SDSL: variants seen among roughly 807,000 people sequenced by gnomAD.
SDSL encodes the protein serine dehydratase-like.
SDSL carries 26 observed loss-of-function variants against 27.6 expected under a neutral mutation model. The observed-to-expected ratio is 0.94, with a 90% confidence interval of 0.69 to 1.31. The LOEUF is 1.31. Ranked by LOEUF, SDSL falls within the 50% of genes most tolerant of loss-of-function variation. SDSL has a pLI of 0.00. For synonymous variants in SDSL, 196 were observed against 180.6 expected (o/e 1.09, Z -0.69); for missense variants, 431 against 423.5 (o/e 1.02, Z -0.16).
intron 6 of SDSL, among the ~76,000 whole-genome samples, chr12:113,436,144 C>T (rs1021652915): frequency 6.6e-6 from 1 of 152,038 alleles, no homozygotes; most frequent in Non-Finnish European, 1.5e-5. Context: ...CCCAAACCCC[C>T]CAAAAGCCAA....
chr12:113,430,141 C>CCCAT (rs771017645), intron 4 of SDSL, among the ~76,000 whole-genome samples: 13 of 126,018 alleles, frequency 1.0e-4, no homozygotes, highest in African/African-American at 1.6e-4. Flanking sequence ...CATCCATCCA[C>CCCAT]CCATCCATCC....
chr12:113,428,494 T>C, intron 3 of SDSL, 35 bp downstream of exon 3: 2 of 1,598,318 alleles, frequency 1.3e-6, no homozygotes, highest in Non-Finnish European at 1.7e-6. Context: ...TGGGCAGAGG[T>C]TGGGGGAGGA....
intron 4 of SDSL, 55 bp from the exon 5 acceptor site, chr12:113,434,079 G>T: frequency 2.1e-6 from 3 of 1,458,242 alleles, no homozygotes; most frequent in Non-Finnish European, 2.9e-6. Flanking sequence ...CTCTGCTCCG[G>T]CCTCCATAGC....
In SDSL at chr12:113,428,400, C is replaced by A. The variant is rs2136951625; in HGVS notation, c.175-20C>A. ...ACACCTGCTTGGGTTAGCCGCTAAC[C>A]CCATTCCTTCTCTTCCCAGATGGCC... is the stretch of plus-strand genomic sequence containing the variant. On this transcript the variant is annotated intron_variant, in intron 2 of 7. Coordinates refer to ENST00000403593, the MANE Select transcript of SDSL (RefSeq NM_001304993.2). 1 of 1,609,396 alleles carries A rather than the reference C, an allele frequency of 6.2e-7. No homozygotes were observed. The highest frequency in any genetic ancestry group is 2.2e-5 in the East Asian group (1 of 44,858).
chr12:113,430,938 A>G (rs1440087572), intron 4 of SDSL, among the ~76,000 whole-genome samples: 1 of 152,210 alleles, frequency 6.6e-6, no homozygotes, highest in Non-Finnish European at 1.5e-5. Context: ...GGCAAGGTGT[A>G]GGTGTATGAT....
chr12:113,428,904 C>T (rs1380454068), intron 3 of SDSL, among the ~76,000 whole-genome samples: 3 of 152,000 alleles, frequency 2.0e-5, no homozygotes, highest in African/African-American at 4.8e-5. Flanking sequence ...CGATGCCTCG[C>T]CTCAATCCTG....
chr12:113,436,367 C>T (rs1011836703), intron 6 of SDSL, among the ~76,000 whole-genome samples: 1 of 151,926 alleles, frequency 6.6e-6, no homozygotes, highest in African/African-American at 2.4e-5. Context: ...CAGCTCACTG[C>T]AACCTCTACC....
At position 113,437,944 on chromosome 12, in the gene SDSL, A is replaced by T. The variant is rs1287346236; in HGVS notation, c.855A>T (p.Ser285=). The T allele has an allele frequency of 6.2e-7, 1 of 1,613,904 alleles. No homozygotes were observed. The highest frequency in any genetic ancestry group is 8.5e-7 in the Non-Finnish European group (1 of 1,179,928). The change falls in exon 8 of 8, where the codon TCA becomes TCT. Residue 285 remains serine (S), a synonymous_variant. Coordinates refer to ENST00000403593, the MANE Select transcript of SDSL (RefSeq NM_001304993.2). ...ACGAALAAIY[S]GLLRRLQAEG... ...GGGCAGCCTTAGCAGCCATCTACTC[A>T]GGCCTCCTGCGGAGGCTCCAGGCCG...
At chr12:113,436,982 C>G in intron 7 of SDSL, 107 bp downstream of exon 7, 2 of 1,195,862 alleles carry the variant, frequency 1.7e-6, no homozygotes, top group Non-Finnish European at 2.2e-6. Flanking sequence ...CAGGCACTGG[C>G]TAGGTGTGCA....
At chr12:113,424,210 C>T (rs1429652506) in intron 1 of SDSL, among the ~76,000 whole-genome samples, 12 of 152,092 alleles carry the variant, frequency 7.9e-5, no homozygotes, top group South Asian at 2.1e-4. Context: ...TTAGTAGAGA[C>T]GGGGTTTCTC....
rs1320567557 is a variant in SDSL, at chr12:113,432,257, TTTCTTTC to T, written c.355-1874_355-1868del. On this transcript the variant is annotated intron_variant, in intron 4 of 7. Transcript: ENST00000403593. ...CTTTCTTTCTTTCTTTCTTTCTTTC[TTTCTTTC>T]TTTCTTTCTTTCTTTCTTTCTTTCT... Among the ~76,000 whole-genome samples the T allele has an allele frequency of 2.5e-3, 351 of 142,906 alleles. 1 individual carries two copies. The highest frequency in any genetic ancestry group is 0.011 in the Middle Eastern group (3 of 280). The allele number at this position is 142,906 out of a possible 152,430, so 93.8% of individuals were successfully genotyped here.
intron 1 of SDSL, chr12:113,426,092 G>T: frequency 6.8e-6 from 3 of 443,642 alleles, no homozygotes; most frequent in Non-Finnish European, 1.4e-5. Flanking sequence ...CTCTCCGTGG[G>T]CGGGAACCCC....
intron 1 of SDSL, among the ~76,000 whole-genome samples, chr12:113,423,461 TGAGCCAACAGGTGGCTCAC>T (rs1957814197): frequency 6.6e-6 from 1 of 152,266 alleles, no homozygotes; most frequent in South Asian, 2.1e-4. Flanking sequence ...TCATCTGTTG[TGAGCCAACAGGTGGCTCAC>T]ACCTGTTATC....
chr12:113,436,172 A>T (rs543715830), intron 6 of SDSL, among the ~76,000 whole-genome samples: 2 of 152,238 alleles, frequency 1.3e-5, no homozygotes, highest in East Asian at 3.9e-4. Flanking sequence ...TAAAAAGAAC[A>T]TGATCACTGA....
chr12:113,429,247 A>G lies in SDSL; in HGVS notation c.302A>G (p.Gln101Arg), dbSNP rs1957889764. The G allele has an allele frequency of 1.9e-6, 3 of 1,613,556 alleles. No individual in the cohort carries two copies. Among genetic ancestry groups the G allele is most frequent in the Non-Finnish European group, 2.5e-6 (3 of 1,179,648 alleles). Residue 101 changes from glutamine (Q) to arginine (R), a missense_variant, in exon 4 of 8, where the codon CAG (glutamine) becomes CGG (arginine). Coordinates refer to ENST00000403593, the MANE Select transcript of SDSL (RefSeq NM_001304993.2). ...GTGCTCCCCGAGAGCACCTCCCTGC[A>G]GGTGGTGCAGAGGCTGCAGGGGGAG... The part of the protein sequence containing the change: ...TIVLPESTSL[Q>R]VVQRLQGEGA...
Position 113,438,168 on chromosome 12 carries a change from G to GCTTCCACTGCCA in SDSL, c.*89_*90insCTTCCACTGCCA. 1 of 1,187,420 alleles carries GCTTCCACTGCCA rather than the reference G, an allele frequency of 8.4e-7. No homozygotes were observed. The highest frequency in any genetic ancestry group is 1.2e-6 in the Non-Finnish European group (1 of 841,330). 73.6% of individuals were successfully genotyped at this position (1,187,420 alleles called of 1,614,324 possible). On this transcript the variant is annotated 3_prime_UTR_variant, in exon 8 of 8. Transcript: ENST00000403593. ...GAGGACTCAGTGCTGGCAGATGGCA[G>GCTTCCACTGCCA]TGGAAGCTGCCCTGTGCAACTGTGC... is the stretch of plus-strand genomic sequence containing the variant.
At chr12:113,437,397 T>G (rs1958010435) in intron 7 of SDSL, among the ~76,000 whole-genome samples, 1 of 152,144 alleles carries the variant, frequency 6.6e-6, no homozygotes, top group Non-Finnish European at 1.5e-5. Context: ...GATGAATATA[T>G]GAGTGAGTGG....
chr12:113,436,449 C>T (rs762565583), intron 6 of SDSL, among the ~76,000 whole-genome samples: 6 of 152,110 alleles, frequency 3.9e-5, no homozygotes, highest in Non-Finnish European at 5.9e-5. Flanking sequence ...CCACCACACC[C>T]GGATAATTTT....
rs1958025535 is a variant in SDSL at position 113,438,152 on chromosome 12, G to C, written c.*73G>C. ...CCTGTGTCTGGATGAGGAGGACTCA[G>C]TGCTGGCAGATGGCAGTGGAAGCTG... On this transcript the variant is annotated 3_prime_UTR_variant, in exon 8 of 8. Transcript: ENST00000403593. 7.5e-7 allele frequency: 1 copy of C among 1,341,362 alleles called. No individual in the cohort carries two copies. The highest frequency in any genetic ancestry group is 1.5e-5 in the African/African-American group (1 of 68,254). 83.1% of individuals were successfully genotyped at this position (1,341,362 alleles called of 1,614,324 possible). A position where few individuals can be genotyped will look rare whatever the true frequency, so the allele number is the denominator to read the frequency against.
Sources: gnomAD v4.1 joint callset for allele counts (sites outside exome capture counted in the v4.1 genomes callset) on GRCh38, gnomAD v4.1.1 for gene constraint, MANE v1.5 for transcripts, NCBI Gene and HGNC (gene_info 2026-07-23, HGNC 2026-07-21) for gene names.